Variants in CENPP observed in about 807,000 individuals in gnomAD.
The protein encoded by CENPP is centromere protein P.
In CENPP, 24 loss-of-function variants were observed where a neutral mutation model predicts 35.6. The ratio of observed to expected loss-of-function variants is 0.67; its 90% CI spans 0.49 to 0.95. CENPP has a LOEUF of 0.95. Ranked by LOEUF, CENPP falls within the 40% of genes least tolerant of loss-of-function variation. The pLI is 0.00. For synonymous variants in CENPP, 120 were observed against 125.5 expected, an observed-to-expected ratio of 0.96 and a Z score of 0.29; for missense variants, 332 against 345.3, an observed-to-expected ratio of 0.96 and a Z score of 0.31.
chr9:92,441,237 T>C (rs1329800804), intron 5 of CENPP, among the ~76,000 whole-genome samples: 1 of 152,246 alleles, frequency 6.6e-6, no homozygotes, highest in Admixed American at 6.5e-5. Flanking sequence ...TCTATACATA[T>C]ATCAAACATC....
chr9:92,528,672 G>T (rs1462681336), intron 5 of CENPP, among the ~76,000 whole-genome samples: 1 of 152,232 alleles, frequency 6.6e-6, no homozygotes, highest in Non-Finnish European at 1.5e-5. Flanking sequence ...GTACTCAGAA[G>T]AGCATTAGCT....
intron 4 of CENPP, among the ~76,000 whole-genome samples, chr9:92,355,757 C>CA (rs1253468263): frequency 6.6e-6 from 1 of 152,098 alleles, no homozygotes; most frequent in African/African-American, 2.4e-5. Context: ...CTGTAACTAC[C>CA]AAAAAATCAT....
intron 5 of CENPP, chr9:92,415,230 A>G (rs557068630): frequency 1.2e-6 from 2 of 1,613,876 alleles, no homozygotes; most frequent in East Asian, 2.2e-5. Context: ...GAGCATTGTC[A>G]GGATCATCGT....
Position 92,620,064 on chromosome 9 carries a change from C to T in CENPP, c.*6915C>T, listed in dbSNP as rs1022154386. On this transcript the variant is annotated 3_prime_UTR_variant, in exon 8 of 8. Coordinates refer to ENST00000375587, the MANE Select transcript of CENPP (RefSeq NM_001012267.3). ...ACAACGGCAGACGGCCACCCTTCTA[C>T]AGGCTGTGCATGTGTTAACTTGCTC... 12 of 169,146 alleles carry T rather than the reference C, an allele frequency of 7.1e-5. No homozygotes were observed. Among genetic ancestry groups the T allele is most frequent in the African/African-American group, 2.6e-4 (11 of 42,720 alleles). 10.5% of individuals were successfully genotyped at this position (169,146 alleles called of 1,614,324 possible).
intron 5 of CENPP, among the ~76,000 whole-genome samples, chr9:92,485,690 A>G (rs973991925): frequency 2.6e-5 from 4 of 152,166 alleles, no homozygotes; most frequent in African/African-American, 9.7e-5. Context: ...TAAAAGATTG[A>G]TTGATTGACA....
At chr9:92,567,411 G>GATATATATATATATATATA (rs1850023471) in intron 5 of CENPP, among the ~76,000 whole-genome samples, 1 of 101,514 alleles carries the variant, frequency 9.9e-6, no homozygotes, top group Non-Finnish European at 2.1e-5. Flanking sequence ...TATATATAAA[G>GATATATATATATATATATA]TGGTTAGTGA....
intron 5 of CENPP, among the ~76,000 whole-genome samples, chr9:92,441,037 A>G (rs1215530691): frequency 6.6e-6 from 1 of 152,240 alleles, no homozygotes. Context: ...TTCGTAATGA[A>G]GACCCAAAAC....
intron 4 of CENPP, among the ~76,000 whole-genome samples, chr9:92,347,210 G>A (rs1171919377): frequency 6.6e-6 from 1 of 152,222 alleles, no homozygotes; most frequent in Non-Finnish European, 1.5e-5. Context: ...AACTGTTTGA[G>A]AGGTAGGGAG....
chr9:92,505,894 G>C (rs1239937951), intron 5 of CENPP, among the ~76,000 whole-genome samples: 3 of 152,044 alleles, frequency 2.0e-5, no homozygotes, highest in Non-Finnish European at 2.9e-5. Flanking sequence ...TAAATGCATG[G>C]TCCAGTAGTG....
intron 5 of CENPP, among the ~76,000 whole-genome samples, chr9:92,598,503 G>A (rs1288123985): frequency 6.6e-6 from 1 of 152,124 alleles, no homozygotes; most frequent in Non-Finnish European, 1.5e-5. Flanking sequence ...ATTTTCTCTG[G>A]GGTTGTGATG....
intron 5 of CENPP, among the ~76,000 whole-genome samples, chr9:92,577,383 C>T (rs931176469): frequency 6.6e-6 from 1 of 152,014 alleles, no homozygotes; most frequent in African/African-American, 2.4e-5. Context: ...GGCATGGTGG[C>T]GGGCACCTGT....
intron 5 of CENPP, among the ~76,000 whole-genome samples, chr9:92,570,473 G>A (rs200077896): frequency 4.6e-5 from 7 of 152,248 alleles, no homozygotes; most frequent in African/African-American, 9.6e-5. Flanking sequence ...TGCTGGATAC[G>A]GTTTGCCAGT....
chr9:92,463,008 C>G (rs911398724), intron 5 of CENPP, among the ~76,000 whole-genome samples: 1 of 152,082 alleles, frequency 6.6e-6, no homozygotes, highest in Non-Finnish European at 1.5e-5. Context: ...AGGTGGGTAA[C>G]CAGAGAGAAG....
intron 5 of CENPP, among the ~76,000 whole-genome samples, chr9:92,536,889 A>G (rs1384326619): frequency 7.6e-6 from 1 of 131,982 alleles, no homozygotes; most frequent in African/African-American, 2.8e-5. Context: ...TTTTTTTGAG[A>G]CGGGAGTTTT....
chr9:92,362,719 A>G (rs1325354698), intron 4 of CENPP, among the ~76,000 whole-genome samples: 2 of 152,126 alleles, frequency 1.3e-5, no homozygotes, highest in African/African-American at 4.8e-5. Context: ...TTCCTACCTT[A>G]TCTACTCTCT....
intron 5 of CENPP, among the ~76,000 whole-genome samples, chr9:92,486,909 G>A (rs1420313773): frequency 6.6e-6 from 1 of 151,852 alleles, no homozygotes; most frequent in Admixed American, 6.6e-5. Flanking sequence ...AGCCTCCTGA[G>A]TAGCTGGGAT....
intron 5 of CENPP, among the ~76,000 whole-genome samples, chr9:92,540,865 T>A (rs926514315): frequency 1.3e-5 from 2 of 151,858 alleles, no homozygotes; most frequent in Non-Finnish European, 2.9e-5. Context: ...GCCTTGCGAG[T>A]GTTTGCTAAA....
Position 92,555,351 on chromosome 9 carries a change from C to T in CENPP, c.565-55963C>T, listed in dbSNP as rs143367678. Among the ~76,000 whole-genome samples, 23 of 150,538 alleles carry T rather than the reference C, an allele frequency of 1.5e-4. No homozygotes were observed. In the East Asian group the frequency reaches 2.0e-3, roughly 13 times the overall value. On this transcript the variant is annotated intron_variant, in intron 5 of 7. Coordinates refer to ENST00000375587, the MANE Select transcript of CENPP (RefSeq NM_001012267.3). ...AAGCGATTCTCCTGCCTCAACCTCC[C>T]GAGTAGCTGGGATTACAGATGCATA...
intron 5 of CENPP, chr9:92,496,238 G>C (rs887968649): frequency 6.7e-7 from 1 of 1,499,168 alleles, no homozygotes; most frequent in Non-Finnish European, 8.8e-7. Flanking sequence ...GGAGGATTAT[G>C]TCTCTCTTAT....
Sources: allele counts gnomAD v4.1 joint callset (sites outside exome capture counted in the v4.1 genomes callset), GRCh38; gene constraint gnomAD v4.1.1; transcripts MANE v1.5; gene names NCBI Gene and HGNC (gene_info 2026-07-23, HGNC 2026-07-21).